Variants in GABRG3 observed in about 807,000 individuals in gnomAD.
GABRG3 encodes gamma-aminobutyric acid type A receptor subunit gamma3.
Under a neutral mutation model 48.8 loss-of-function variants are expected in GABRG3, and 25 were observed. That is an observed-to-expected ratio of 0.51 (90% CI 0.37 to 0.72). The LOEUF is 0.72. Among genes scored for constraint, GABRG3 ranks in the 30% least tolerant of loss-of-function variants. The pLI, the probability that GABRG3 is intolerant of heterozygous loss-of-function variation, is 0.00. For synonymous variants in GABRG3, 227 were observed against 217.6 expected, an observed-to-expected ratio of 1.04 and a Z score of -0.38; for missense variants, 394 against 577.9, an observed-to-expected ratio of 0.68 and a Z score of 3.26.
At chr15:27,051,449 G>A (rs1004387790) in intron 3 of GABRG3, among the ~76,000 whole-genome samples, 1 of 152,186 alleles carries the variant, frequency 6.6e-6, no homozygotes, top group Non-Finnish European at 1.5e-5. Context: ...AAATGCATCT[G>A]TTGAAATCCT....
At chr15:27,090,292 A>G (rs951614647) in intron 3 of GABRG3, among the ~76,000 whole-genome samples, 7 of 152,222 alleles carry the variant, frequency 4.6e-5, no homozygotes, top group Non-Finnish European at 7.3e-5. Context: ...AGACTAAGCT[A>G]TGATGTTTGG....
At chr15:26,990,741 T>C (rs1895231552) in intron 2 of GABRG3, among the ~76,000 whole-genome samples, 1 of 152,114 alleles carries the variant, frequency 6.6e-6, no homozygotes, top group African/African-American at 2.4e-5. Context: ...CAGTGTTTTC[T>C]TGTAGTACTT....
chr15:27,100,020 G>A (rs979463603), intron 3 of GABRG3, among the ~76,000 whole-genome samples: 1 of 152,016 alleles, frequency 6.6e-6, no homozygotes, highest in Admixed American at 6.6e-5. Flanking sequence ...TTCGAGACCA[G>A]CCTGGCCAAC....
At chr15:27,228,289 C>T (rs1889687314) in intron 3 of GABRG3, among the ~76,000 whole-genome samples, 1 of 152,296 alleles carries the variant, frequency 6.6e-6, no homozygotes, top group East Asian at 1.9e-4. Flanking sequence ...TCATTTAGCT[C>T]CCACTTATAA....
intron 3 of GABRG3, among the ~76,000 whole-genome samples, chr15:27,120,784 T>G (rs189913761): frequency 1.3e-5 from 2 of 152,222 alleles, no homozygotes; most frequent in East Asian, 3.9e-4. Context: ...TTAAGTTTTT[T>G]GACCGTGTCT....
intron 3 of GABRG3, among the ~76,000 whole-genome samples, chr15:27,078,825 A>G (rs998810241): frequency 2.6e-5 from 4 of 152,198 alleles, no homozygotes; most frequent in African/African-American, 9.7e-5. Context: ...TGCAATGCAT[A>G]TCCTTCCTGG....
chr15:27,327,563 T>A (rs1893657982), intron 4 of GABRG3, among the ~76,000 whole-genome samples: 2 of 152,202 alleles, frequency 1.3e-5, no homozygotes, highest in African/African-American at 4.8e-5. Context: ...CTCCCAGGTC[T>A]CTCCACTGGG....
chr15:27,142,492 C>T (rs1566945866), intron 3 of GABRG3, among the ~76,000 whole-genome samples: 1 of 152,174 alleles, frequency 6.6e-6, no homozygotes, highest in Admixed American at 6.5e-5. Flanking sequence ...ACCATGAAAA[C>T]AGTATGGGGA....
intron 3 of GABRG3, among the ~76,000 whole-genome samples, chr15:27,313,118 A>T (rs2140508332): frequency 6.8e-6 from 1 of 147,988 alleles, no homozygotes; most frequent in East Asian, 2.0e-4. Context: ...CTAATTCAAA[A>T]ATGGCTGCAA....
chr15:27,463,242 A>C (rs188222837), intron 5 of GABRG3, among the ~76,000 whole-genome samples: 1 of 152,334 alleles, frequency 6.6e-6, no homozygotes, highest in East Asian at 1.9e-4. Context: ...CATATGTTCT[A>C]AGACTCATGA....
chr15:27,187,912 G>A (rs951864332), intron 3 of GABRG3, among the ~76,000 whole-genome samples: 1 of 125,986 alleles, frequency 7.9e-6, no homozygotes, highest in Non-Finnish European at 1.5e-5. Flanking sequence ...AGAGTGTGAT[G>A]TTCCCCTTCC....
intron 3 of GABRG3, among the ~76,000 whole-genome samples, chr15:27,259,442 C>G (rs1890710712): frequency 6.6e-6 from 1 of 152,176 alleles, no homozygotes; most frequent in Admixed American, 6.5e-5. Flanking sequence ...CTTGTTTCTA[C>G]TTATTGTAGT....
At position 27,537,517 on chromosome 15, in the gene GABRG3, A is replaced by G. The variant is rs549458452; in HGVS notation, c.*4636A>G. 6.6e-5 allele frequency: 10 copies of G among 152,348 alleles called. No homozygotes were observed. The highest frequency in any genetic ancestry group is 2.2e-4 in the African/African-American group (9 of 41,578). 9.4% of individuals were successfully genotyped at this position (152,348 alleles called of 1,614,324 possible). Reference sequence around the variant, plus strand: ...ACTCTTCAGGATAAATGACACCTGCATCGCTGATCCCTTGTTGACTTATGT... The same window carrying G: ...ACTCTTCAGGATAAATGACACCTGCGTCGCTGATCCCTTGTTGACTTATGT... On this transcript the variant is annotated 3_prime_UTR_variant, in exon 10 of 10. Coordinates refer to ENST00000615808, the MANE Select transcript of GABRG3 (RefSeq NM_033223.5).
intron 2 of GABRG3, among the ~76,000 whole-genome samples, chr15:26,982,659 A>G (rs1895076603): frequency 6.6e-6 from 1 of 152,226 alleles, no homozygotes; most frequent in Non-Finnish European, 1.5e-5. Context: ...CAAATAAAAC[A>G]GCATATGTAC....
intron 3 of GABRG3, among the ~76,000 whole-genome samples, chr15:27,317,565 G>A (rs908138501): frequency 6.6e-6 from 1 of 152,124 alleles, no homozygotes; most frequent in African/African-American, 2.4e-5. Context: ...AAAACTGGCT[G>A]GTGTCACAAG....
chr15:27,398,298 T>C (rs1887375967), intron 5 of GABRG3, among the ~76,000 whole-genome samples: 1 of 152,190 alleles, frequency 6.6e-6, no homozygotes, highest in Non-Finnish European at 1.5e-5. Flanking sequence ...TATTTCAATT[T>C]GTAAGTTTTC....
intron 6 of GABRG3, among the ~76,000 whole-genome samples, chr15:27,517,447 C>T (rs1891050106): frequency 6.6e-6 from 1 of 152,216 alleles, no homozygotes; most frequent in Non-Finnish European, 1.5e-5. Flanking sequence ...CCCAGGTAGA[C>T]TTCTGAATTA....
At chr15:27,135,650 T>TA (rs1897995604) in intron 3 of GABRG3, among the ~76,000 whole-genome samples, 1 of 152,182 alleles carries the variant, frequency 6.6e-6, no homozygotes, top group Non-Finnish European at 1.5e-5. Flanking sequence ...CTCAAGCCTG[T>TA]AATCCTAGCA....
In GABRG3 at chr15:27,313,196, G is replaced by T. The variant is rs181751256; in HGVS notation, c.271-13613G>T. On this transcript the variant is annotated intron_variant, in intron 3 of 9. Transcript: ENST00000615808. ...AGCAGAAACATATATATATATATGT[G>T]TATATATATATATGTATATGTATAT... Among the ~76,000 whole-genome samples, 108 of 127,760 alleles carry T rather than the reference G, an allele frequency of 8.5e-4. 3 individuals are homozygous for T. The highest frequency in any genetic ancestry group is 3.1e-3 in the African/African-American group (107 of 34,190). 83.8% of individuals were successfully genotyped at this position (127,760 alleles called of 152,430 possible). A position where few individuals can be genotyped will look rare whatever the true frequency, so the allele number is the denominator to read the frequency against.
Sources: allele counts gnomAD v4.1 joint callset (sites outside exome capture counted in the v4.1 genomes callset), GRCh38; gene constraint gnomAD v4.1.1; transcripts MANE v1.5; gene names NCBI Gene and HGNC (gene_info 2026-07-23, HGNC 2026-07-21).